The following FGF14 variants were observed in gnomAD, a reference collection of about 807,000 sequenced individuals.
FGF14 encodes the protein fibroblast growth factor homologous factor 4.
FGF14 carries 5 observed loss-of-function variants against 25.5 expected under a neutral mutation model. The ratio of observed to expected loss-of-function variants is 0.20; its 90% CI spans 0.10 to 0.41. The LOEUF (loss-of-function observed/expected upper bound fraction) is 0.41. FGF14 is among the 10% of genes least tolerant of loss of function. FGF14 has a pLI of 1.00. For missense variants in FGF14, 222 were observed against 320.1 expected (o/e 0.69, Z 2.34); for synonymous variants, 138 against 118.3 (o/e 1.17, Z -1.08).
intron 1 of FGF14, among the ~76,000 whole-genome samples, chr13:102,039,384 C>T (rs897676103): frequency 2.0e-5 from 3 of 152,026 alleles, no homozygotes; most frequent in Admixed American, 1.3e-4. Flanking sequence ...TACTACAGAC[C>T]GCGTGGCTCA....
intron 1 of FGF14, among the ~76,000 whole-genome samples, chr13:101,982,109 G>C (rs976413122): frequency 6.6e-6 from 1 of 152,182 alleles, no homozygotes; most frequent in African/African-American, 2.4e-5. Context: ...CAAAGAGAAC[G>C]ATTTTAAGGA....
intron 1 of FGF14, among the ~76,000 whole-genome samples, chr13:102,024,706 T>C (rs1022434068): frequency 1.3e-5 from 2 of 151,988 alleles, no homozygotes; most frequent in Admixed American, 6.6e-5. Context: ...CATGAATATG[T>C]ACACCAATTT....
chr13:101,805,481 A>C (rs1176907775), intron 3 of FGF14, among the ~76,000 whole-genome samples: 1 of 152,154 alleles, frequency 6.6e-6, no homozygotes, highest in African/African-American at 2.4e-5. Context: ...AAATATAAAC[A>C]TTTTATCCAA....
intron 3 of FGF14, among the ~76,000 whole-genome samples, chr13:101,833,800 T>C (rs2042794431): frequency 6.6e-6 from 1 of 152,120 alleles, no homozygotes; most frequent in African/African-American, 2.4e-5. Context: ...CAATTTCCAT[T>C]AAAATTCAAA....
intron 3 of FGF14, among the ~76,000 whole-genome samples, chr13:101,794,053 C>T (rs774655385): frequency 6.6e-6 from 1 of 152,022 alleles, no homozygotes; most frequent in Non-Finnish European, 1.5e-5. Flanking sequence ...CAGTTATGTC[C>T]TCATAAATGG....
chr13:101,991,856 T>C (rs2038926173), intron 1 of FGF14, among the ~76,000 whole-genome samples: 1 of 152,070 alleles, frequency 6.6e-6, no homozygotes, highest in South Asian at 2.1e-4. Context: ...AGCTTTGTGT[T>C]CTCAAAGAAA....
rs187398436 is a variant in FGF14, at chr13:102,142,496, T to C, written c.208+258975A>G. Among the ~76,000 whole-genome samples, 13 of 152,268 alleles carry C rather than the reference T, an allele frequency of 8.5e-5. No homozygotes were observed. The South Asian group carries it at 1.2e-3, about 15-fold the overall frequency. ...TCTGACAAGTACTAATAACTATGAC[T>C]AGGTTTTGATAACTTCCTTGATTTG... On this transcript the variant is annotated intron_variant, in intron 1 of 4. Coordinates refer to the FGF14 transcript ENST00000376131.
chr13:101,952,795 C>G (rs1397061616), intron 1 of FGF14, among the ~76,000 whole-genome samples: 3 of 152,118 alleles, frequency 2.0e-5, no homozygotes, highest in Non-Finnish European at 4.4e-5. Flanking sequence ...CTTTAGGAGG[C>G]CAAGGCAGGC....
At chr13:101,814,946 C>T (rs2041765277) in intron 3 of FGF14, among the ~76,000 whole-genome samples, 1 of 151,960 alleles carries the variant, frequency 6.6e-6, no homozygotes, top group Non-Finnish European at 1.5e-5. Flanking sequence ...TAAAATAAAA[C>T]CAAACAATAA....
At chr13:102,060,794 A>C (rs1179219781) in intron 1 of FGF14, among the ~76,000 whole-genome samples, 3 of 152,130 alleles carry the variant, frequency 2.0e-5, no homozygotes, top group Non-Finnish European at 4.4e-5. Flanking sequence ...AAGTGAGGAC[A>C]AGCACCCCTG....
intron 1 of FGF14, among the ~76,000 whole-genome samples, chr13:102,151,617 GC>G (rs2047089781): frequency 6.6e-6 from 1 of 152,122 alleles, no homozygotes; most frequent in Non-Finnish European, 1.5e-5. Flanking sequence ...TCCTGCCTTA[GC>G]CTCCAGAGTA....
At chr13:101,855,767 G>C (rs2044095440) in intron 3 of FGF14, among the ~76,000 whole-genome samples, 1 of 151,926 alleles carries the variant, frequency 6.6e-6, no homozygotes, top group South Asian at 2.1e-4. Context: ...CAGAGAACCA[G>C]AGTGTAATTT....
chr13:102,007,543 G>GGT (rs1315333465), intron 1 of FGF14, among the ~76,000 whole-genome samples: 1 of 152,110 alleles, frequency 6.6e-6, no homozygotes, highest in Admixed American at 6.5e-5. Context: ...AGACTGGCTA[G>GGT]GTAAGAGAGG....
chr13:102,043,683 A>C (rs2041848680), intron 1 of FGF14, among the ~76,000 whole-genome samples: 1 of 152,184 alleles, frequency 6.6e-6, no homozygotes, highest in Admixed American at 6.5e-5. Flanking sequence ...TCTGACCGAA[A>C]CAGTGAGCCA....
At position 101,916,735 on chromosome 13, in the gene FGF14, G is replaced by T; in HGVS notation, c.-90C>A. 2 of 1,208,280 alleles carry T rather than the reference G, an allele frequency of 1.7e-6. No individual in the cohort carries two copies. The highest frequency in any genetic ancestry group is 2.2e-6 in the Non-Finnish European group (2 of 892,622). The allele number at this position is 1,208,280 out of a possible 1,614,324, so 74.8% of individuals were successfully genotyped here. ...GGGGAAGGCGGCGGCGCAGACCGTGGCTCGCCCTCGGGGCAGAGGAGGGGG... is the reference window on the plus strand; with the variant it reads ...GGGGAAGGCGGCGGCGCAGACCGTGTCTCGCCCTCGGGGCAGAGGAGGGGG... On this transcript the variant is annotated 5_prime_UTR_variant, in exon 1 of 5. Coordinates refer to ENST00000376143, the MANE Select transcript of FGF14 (RefSeq NM_004115.4).
chr13:101,747,542 CTGA>C (rs1221208631), intron 3 of FGF14, among the ~76,000 whole-genome samples: 2 of 151,946 alleles, frequency 1.3e-5, no homozygotes, highest in African/African-American at 2.4e-5. Flanking sequence ...TTACATGAGG[CTGA>C]TGATGAAGAA....
intron 1 of FGF14, among the ~76,000 whole-genome samples, chr13:101,900,260 C>A (rs945735536): frequency 2.0e-4 from 30 of 152,004 alleles, no homozygotes; most frequent in African/African-American, 7.2e-4. Flanking sequence ...AACAAGCTTA[C>A]AATTTATACT....
intron 1 of FGF14, among the ~76,000 whole-genome samples, chr13:102,186,359 C>A (rs975884055): frequency 6.6e-6 from 1 of 152,124 alleles, no homozygotes; most frequent in Non-Finnish European, 1.5e-5. Flanking sequence ...AAAGATCTCA[C>A]TGACTGCCAA....
At chr13:101,947,532 G>A (rs2035889508) in intron 1 of FGF14, among the ~76,000 whole-genome samples, 1 of 152,184 alleles carries the variant, frequency 6.6e-6, no homozygotes, top group South Asian at 2.1e-4. Flanking sequence ...CATGTCCTTT[G>A]CAGCAACATG....
Sources: gnomAD v4.1 joint callset for allele counts (sites outside exome capture counted in the v4.1 genomes callset) on GRCh38, gnomAD v4.1.1 for gene constraint, MANE v1.5 for transcripts, NCBI Gene and HGNC (gene_info 2026-07-23, HGNC 2026-07-21) for gene names.